The following MFSD6 variants were observed in gnomAD, a reference collection of about 807,000 sequenced individuals.
The protein encoded by MFSD6 is major facilitator superfamily domain containing 6, also known as major facilitator superfamily domain-containing protein 6.
MFSD6 carries 26 observed loss-of-function variants against 56.3 expected under a neutral mutation model. The observed-to-expected ratio is 0.46, with a 90% CI of 0.34 to 0.64. The LOEUF is 0.64. Among genes scored for constraint, MFSD6 ranks in the 30% least tolerant of loss-of-function variants. The pLI is 0.01. For missense variants in MFSD6, 750 were observed against 986.2 expected, an observed-to-expected ratio of 0.76 and a Z score of 3.21; for synonymous variants, 331 against 366.9, an observed-to-expected ratio of 0.90 and a Z score of 1.12.
intron 3 of MFSD6, among the ~76,000 whole-genome samples, chr2:190,445,123 A>G (rs1336961638): frequency 6.6e-6 from 1 of 152,132 alleles, no homozygotes; most frequent in African/African-American, 2.4e-5. Flanking sequence ...TAACTGGACA[A>G]TCTTGGGCCT....
In MFSD6 at chr2:190,487,313, C is replaced by T. The variant is rs1689071223; in HGVS notation, c.1631-1344C>T. On this transcript the variant is annotated intron_variant, in intron 4 of 7. Transcript: ENST00000392328. The surrounding 1 kb of genome is among the most constrained non-coding windows in gnomAD (Gnocchi z 5.5). ...CTGAGGTCGTGCCACTGCACTCCAG[C>T]CTGGTGACAGAGCAATACTCCATCT... is the stretch of plus-strand genomic sequence containing the variant. Among the ~76,000 whole-genome samples the T allele has an allele frequency of 6.6e-6, 1 of 152,110 alleles. No individual in the cohort carries two copies.
intron 2 of MFSD6, among the ~76,000 whole-genome samples, chr2:190,419,146 GA>G (rs201101867): frequency 1.0e-4 from 15 of 150,498 alleles, no homozygotes; most frequent in South Asian, 6.3e-4. Context: ...AATCCTGATG[GA>G]AAAAAAAAAT....
intron 3 of MFSD6, among the ~76,000 whole-genome samples, chr2:190,446,817 G>A (rs1300988578): frequency 6.6e-6 from 1 of 152,170 alleles, no homozygotes; most frequent in Non-Finnish European, 1.5e-5. Flanking sequence ...TGGCTTTAAA[G>A]CTGAGCTTAA....
rs1374445945 is a variant in MFSD6 at position 190,490,209 on chromosome 2, C to G, written c.1891+343C>G. 6.6e-6 allele frequency among the ~76,000 whole-genome samples: 1 copy of G among 151,414 alleles called. No homozygotes were observed. ...CATATAAGGCTATACAGTCATTTTG[C>G]TACTAGGGATAGGGAGTGAGTGGTA... is the stretch of plus-strand genomic sequence containing the variant. On this transcript the variant is annotated intron_variant, in intron 6 of 7. Transcript: ENST00000392328. This position sits in a 1 kb window ranked among gnomAD's most constrained non-coding sequence, Gnocchi z 4.5.
At chr2:190,411,753 T>A in intron 1 of MFSD6, 1 of 984,950 alleles carries the variant, frequency 1.0e-6, no homozygotes. Flanking sequence ...GGGTAAAGAG[T>A]CTCAGGTGAC....
intron 2 of MFSD6, among the ~76,000 whole-genome samples, chr2:190,429,083 G>A (rs889005867): frequency 6.6e-6 from 1 of 151,890 alleles, no homozygotes; most frequent in African/African-American, 2.4e-5. Context: ...ATATTTATTG[G>A]CCATTTGTAT....
intron 2 of MFSD6, among the ~76,000 whole-genome samples, chr2:190,428,654 C>CTTATTTAT (rs77812909): frequency 3.1e-4 from 34 of 108,346 alleles, no homozygotes; most frequent in African/African-American, 1.4e-3. Context: ...GAGATGCTTG[C>CTTATTTAT]TTATTTATTT....
intron 3 of MFSD6, among the ~76,000 whole-genome samples, chr2:190,468,653 C>A (rs1382855265): frequency 7.0e-6 from 1 of 142,438 alleles, no homozygotes; most frequent in African/African-American, 2.6e-5. Flanking sequence ...GAGACAGGTT[C>A]TCACTATGTT....
At chr2:190,428,283 T>C (rs1339905762) in intron 2 of MFSD6, among the ~76,000 whole-genome samples, 1 of 152,220 alleles carries the variant, frequency 6.6e-6, no homozygotes, top group Non-Finnish European at 1.5e-5. Context: ...GCCATTAAAA[T>C]TATTCTGCAG....
rs533405097 is a variant in MFSD6, at chr2:190,415,137, T to G, written c.-175-155T>G. ...TGCAATAAAAATCTTTACATTTAAG[T>G]CTTTGCTTTTCAGAAAGTTTATGTT... is the stretch of plus-strand genomic sequence containing the variant. On this transcript the variant is annotated intron_variant, in intron 1 of 7. Transcript: ENST00000392328. The surrounding 1 kb of genome is among the most constrained non-coding windows in gnomAD (Gnocchi z 4.5). 2.0e-5 allele frequency among the ~76,000 whole-genome samples: 3 copies of G among 152,376 alleles called. No individual in the cohort carries two copies. Among genetic ancestry groups the G allele is most frequent in the African/African-American group, 7.2e-5 (3 of 41,594 alleles).
chr2:190,455,029 G>A (rs998430200), intron 3 of MFSD6, among the ~76,000 whole-genome samples: 1 of 143,146 alleles, frequency 7.0e-6, no homozygotes, highest in Non-Finnish European at 1.5e-5. Flanking sequence ...ATGTGTGTTG[G>A]TAAGCAGATC....
At position 190,490,261 on chromosome 2, in the gene MFSD6, G is replaced by GT. The variant is rs748027895; in HGVS notation, c.1891+397dup. 1.3e-3 allele frequency among the ~76,000 whole-genome samples: 177 copies of GT among 136,030 alleles called. No homozygotes were observed. Among genetic ancestry groups the GT allele is most frequent in the African/African-American group, 3.9e-3 (153 of 38,798 alleles). The allele number at this position is 136,030 out of a possible 152,430, so 89.2% of individuals were successfully genotyped here. On this transcript the variant is annotated intron_variant, in intron 6 of 7. Transcript: ENST00000392328. This position sits in a 1 kb window ranked among gnomAD's most constrained non-coding sequence, Gnocchi z 4.5. ...TCTTCTCTATGACTTACCTTCATTTGTTAAAAAAAAAAAAAACAATGGCCG... is the reference window on the plus strand; with the variant it reads ...TCTTCTCTATGACTTACCTTCATTTGTTTAAAAAAAAAAAAAACAATGGCCG...
chr2:190,450,648 A>AAGTTTTGTATTTTT (rs1686746980), intron 3 of MFSD6, among the ~76,000 whole-genome samples: 1 of 151,912 alleles, frequency 6.6e-6, no homozygotes, highest in Admixed American at 6.6e-5. Flanking sequence ...ATGTGCCACC[A>AAGTTTTGTATTTTT]TGCCCAGCTA....
rs193163618 is a variant in MFSD6, at chr2:190,471,904, C to T, written c.1630+2049C>T. On this transcript the variant is annotated intron_variant, in intron 4 of 7. Coordinates refer to ENST00000392328, the MANE Select transcript of MFSD6 (RefSeq NM_017694.4). This position sits in a 1 kb window ranked among gnomAD's most constrained non-coding sequence, Gnocchi z 4.7. Reference sequence around the variant, plus strand: ...CTCTGAGACAAAACTTCCAGAGGAACGATCAGGCAGCAATATTTGCTGTTC... The same window carrying T: ...CTCTGAGACAAAACTTCCAGAGGAATGATCAGGCAGCAATATTTGCTGTTC... Among the ~76,000 whole-genome samples, 826 of 152,292 alleles carry T rather than the reference C, an allele frequency of 5.4e-3. 11 individuals are homozygous for T. Among genetic ancestry groups the T allele is most frequent in the South Asian group, 0.031 (149 of 4,826 alleles).
rs1048911994 is a variant in MFSD6, at chr2:190,497,194, T to C, written c.1892-245T>C. Among the ~76,000 whole-genome samples, 1 of 152,114 alleles carries C rather than the reference T, an allele frequency of 6.6e-6. No individual in the cohort carries two copies. The highest frequency in any genetic ancestry group is 1.5e-5 in the Non-Finnish European group (1 of 68,034). ...CTGATGTTCTAAGTTAAATGAAAAA[T>C]ATATTTCTTAAATATATATGCTAAT... is the stretch of plus-strand genomic sequence containing the variant. On this transcript the variant is annotated intron_variant, in intron 6 of 7. Coordinates refer to ENST00000392328, the MANE Select transcript of MFSD6 (RefSeq NM_017694.4). The surrounding 1 kb of genome is among the most constrained non-coding windows in gnomAD (Gnocchi z 5.2).
In MFSD6 at chr2:190,462,752, C is replaced by G. The variant is rs1017213897; in HGVS notation, c.1533-7006C>G. Among the ~76,000 whole-genome samples the G allele has an allele frequency of 6.6e-6, 1 of 152,164 alleles. No homozygotes were observed. The highest frequency in any genetic ancestry group is 1.5e-5 in the Non-Finnish European group (1 of 68,022). On this transcript the variant is annotated intron_variant, in intron 3 of 7. Transcript: ENST00000392328. This position sits in a 1 kb window ranked among gnomAD's most constrained non-coding sequence, Gnocchi z 5.7. ...ACTCTCAAAATCAGAGGTACCAGTG[C>G]CCCAAGTCATATCTTGGAAAAAGGG...
intron 3 of MFSD6, among the ~76,000 whole-genome samples, chr2:190,446,500 G>T (rs564148028): frequency 1.5e-4 from 23 of 152,302 alleles, no homozygotes; most frequent in Admixed American, 2.6e-4. Context: ...AGAGCTATGT[G>T]TTAGCAGTAA....
intron 3 of MFSD6, among the ~76,000 whole-genome samples, chr2:190,468,270 G>A (rs991812959): frequency 3.9e-5 from 6 of 152,084 alleles, no homozygotes; most frequent in Non-Finnish European, 8.8e-5. Context: ...ATACTTCACT[G>A]AGAATCTGCT....
At chr2:190,452,138 A>T (rs1337761404) in intron 3 of MFSD6, among the ~76,000 whole-genome samples, 1 of 152,112 alleles carries the variant, frequency 6.6e-6, no homozygotes, top group Non-Finnish European at 1.5e-5. Context: ...ATGAAAAGTA[A>T]AAAACAAAAA....
Sources: allele counts gnomAD v4.1 joint callset (sites outside exome capture counted in the v4.1 genomes callset), GRCh38; gene constraint gnomAD v4.1.1; non-coding constraint Gnocchi (gnomAD v3.1); transcripts MANE v1.5; gene names NCBI Gene and HGNC (gene_info 2026-07-23, HGNC 2026-07-21).